The following SGSM1 variants were observed in gnomAD, a reference collection of about 807,000 sequenced individuals.
SGSM1 encodes the protein RUN and TBC1 domain containing 2.
A neutral mutation model predicts 133.8 loss-of-function variants in SGSM1; 73 were observed. That is an observed-to-expected ratio of 0.55 (90% CI 0.45 to 0.66). SGSM1 has a LOEUF of 0.66. Among genes scored for constraint, SGSM1 ranks in the 30% least tolerant of loss-of-function variants. SGSM1 has a pLI of 0.00. For missense variants in SGSM1, 1,213 were observed against 1,448.1 expected, an observed-to-expected ratio of 0.84 and a Z score of 2.64; for synonymous variants, 563 against 573.0, an observed-to-expected ratio of 0.98 and a Z score of 0.25.
At chr22:24,844,689 A>G (rs2147833599) in intron 2 of SGSM1, 1 of 559,718 alleles carries the variant, frequency 1.8e-6, no homozygotes, top group East Asian at 2.9e-5. Context: ...ACCTGAACGA[A>G]TAATTGATAA....
intron 5 of SGSM1, among the ~76,000 whole-genome samples, chr22:24,851,454 GAGAGA>G: frequency 1.4e-5 from 1 of 69,970 alleles, no homozygotes; most frequent in African/African-American, 1.6e-4. Flanking sequence ...TGGGGGGAGA[GAGAGA>G]GAGAGAGAGA....
Position 24,912,653 on chromosome 22 carries a change from C to G in SGSM1, c.2829C>G (p.Ala943=), listed in dbSNP as rs1206441878. Residue 943 remains alanine (A), a synonymous_variant, in exon 22 of 25, where the codon GCC becomes GCG. Transcript: ENST00000400358. ...LLVILDDEAL[A]FSCFTELMKR... ...GTGATGCTTTCTCAGAGGCCCTTGCCTTCAGCTGCTTCACGGAGCTCATGA... is the reference window on the plus strand; with the variant it reads ...GTGATGCTTTCTCAGAGGCCCTTGCGTTCAGCTGCTTCACGGAGCTCATGA... The G allele has an allele frequency of 1.2e-6, 2 of 1,612,544 alleles. No individual in the cohort carries two copies. Among genetic ancestry groups the G allele is most frequent in the Non-Finnish European group, 1.7e-6 (2 of 1,179,302 alleles).
rs543839452 is a variant in SGSM1, at chr22:24,822,251, C to T, written c.63+15767C>T. Among the ~76,000 whole-genome samples, 54 of 152,008 alleles carry T rather than the reference C, an allele frequency of 3.6e-4. 1 individual carries two copies. The highest frequency in any genetic ancestry group is 6.8e-3 in the Middle Eastern group (2 of 294). ...GACCACAGGTGCCCGCCACCACGCC[C>T]GGCCAATTTTTTTTGTATTTTTAGT... On this transcript the variant is annotated intron_variant, in intron 2 of 24. Coordinates refer to ENST00000400358, the MANE Select transcript of SGSM1 (RefSeq NM_001098497.3).
At chr22:24,836,051 C>A (rs1929408813) in intron 2 of SGSM1, among the ~76,000 whole-genome samples, 1 of 152,100 alleles carries the variant, frequency 6.6e-6, no homozygotes, top group Non-Finnish European at 1.5e-5. Context: ...TGTGTGCCAA[C>A]CTCCAGATCT....
chr22:24,806,475 CAAG>C lies in SGSM1; in HGVS notation c.58_60del (p.Lys20del). 1.3e-6 allele frequency: 2 copies of C among 1,516,726 alleles called. No homozygotes were observed. The highest frequency in any genetic ancestry group is 1.4e-5 in the African/African-American group (1 of 69,678). The allele number at this position is 1,516,726 out of a possible 1,614,324, so 94.0% of individuals were successfully genotyped here. A position where few individuals can be genotyped will look rare whatever the true frequency, so the allele number is the denominator to read the frequency against. On this transcript the variant is annotated inframe_deletion, in exon 2 of 25. Transcript: ENST00000400358. The stretch of plus-strand genomic sequence containing the variant: ...CCCGACAGAGGCTGCTACGCACCGT[CAAG>C]AAGGAGGTGGGTGCCGGGGTGGGGG...
At chr22:24,921,873 A>G (rs939165878) in intron 24 of SGSM1, among the ~76,000 whole-genome samples, 2 of 151,824 alleles carry the variant, frequency 1.3e-5, no homozygotes, top group African/African-American at 2.4e-5. Context: ...CTAATTTTGT[A>G]TTTTTTTAGT....
At chr22:24,881,706 C>A (rs1026604399) in intron 14 of SGSM1, among the ~76,000 whole-genome samples, 7 of 152,336 alleles carry the variant, frequency 4.6e-5, no homozygotes, top group South Asian at 4.1e-4. Flanking sequence ...CATCATCATC[C>A]TCCTCCTCCT....
At chr22:24,860,655 T>A (rs1931071805) in intron 9 of SGSM1, among the ~76,000 whole-genome samples, 2 of 151,512 alleles carry the variant, frequency 1.3e-5, no homozygotes, top group South Asian at 4.2e-4. Flanking sequence ...GTAATCCCAG[T>A]GCTTTGGGAG....
rs765572140 is a variant in SGSM1 at position 24,850,321 on chromosome 22, T to TGCCG, written c.345_348dup (p.Lys117AlafsTer22). 25 of 1,612,650 alleles carry TGCCG rather than the reference T, an allele frequency of 1.6e-5. No individual in the cohort carries two copies. The highest frequency in any genetic ancestry group is 2.0e-5 in the Non-Finnish European group (24 of 1,179,412). The stretch of plus-strand genomic sequence containing the variant: ...GGCCTCCAGGAGAATGTGCGGAAGC[T>TGCCG]GCCGAAGCTGCCCAACTTGTCCCCA... On this transcript the variant is annotated frameshift_variant, in exon 5 of 25. Coordinates refer to ENST00000400358, the MANE Select transcript of SGSM1 (RefSeq NM_001098497.3). LOFTEE classifies it high-confidence loss of function.
At chr22:24,812,405 C>T (rs989081484) in intron 2 of SGSM1, among the ~76,000 whole-genome samples, 2 of 152,050 alleles carry the variant, frequency 1.3e-5, no homozygotes, top group African/African-American at 2.4e-5. Flanking sequence ...ACTGTCAGTC[C>T]GTGGAGAAGT....
In SGSM1 at chr22:24,868,841, T is replaced by C; in HGVS notation, c.1277T>C (p.Met426Thr). 6.2e-7 allele frequency: 1 copy of C among 1,613,844 alleles called. No homozygotes were observed. Among genetic ancestry groups the C allele is most frequent in the Non-Finnish European group, 8.5e-7 (1 of 1,179,864 alleles). The part of the protein sequence containing the change: ...DYVFRIIYPG[M>T]QSEFVPQDLM... Reference sequence around the variant, plus strand: ...GTGTTCAGGATCATCTACCCTGGCATGCAGTCGGAATTCGGTGAGCTGCCC... The same window carrying C: ...GTGTTCAGGATCATCTACCCTGGCACGCAGTCGGAATTCGGTGAGCTGCCC... The change falls in exon 12 of 25, where the codon ATG becomes ACG. Residue 426 changes from methionine to threonine, a missense_variant. Physicochemically the swap from Met to Thr is moderately conservative, Grantham distance 81 (BLOSUM62 -1). Coordinates refer to ENST00000400358, the MANE Select transcript of SGSM1 (RefSeq NM_001098497.3).
In SGSM1 at chr22:24,900,394, T is replaced by C. The variant is rs796935274; in HGVS notation, c.2611-1439T>C. Among the ~76,000 whole-genome samples, 46 of 76,272 alleles carry C rather than the reference T, an allele frequency of 6.0e-4. 1 individual carries two copies. The highest frequency in any genetic ancestry group is 1.8e-3 in the African/African-American group (43 of 23,328). 50.0% of individuals were successfully genotyped at this position (76,272 alleles called of 152,430 possible). Reference sequence around the variant, plus strand: ...TTCTTTCTTTCTTTCTTTCTTTCTTTCTTTCTTTCTTTCTGTATTTTTGAG... The same window carrying C: ...TTCTTTCTTTCTTTCTTTCTTTCTTCCTTTCTTTCTTTCTGTATTTTTGAG... On this transcript the variant is annotated intron_variant, in intron 19 of 24. Coordinates refer to ENST00000400358, the MANE Select transcript of SGSM1 (RefSeq NM_001098497.3).
intron 2 of SGSM1, among the ~76,000 whole-genome samples, chr22:24,828,966 G>A (rs1045896938): frequency 6.6e-6 from 1 of 152,160 alleles, no homozygotes; most frequent in Non-Finnish European, 1.5e-5. Flanking sequence ...GGCTGAGGCA[G>A]GCGGAACATG....
At chr22:24,889,626 G>A (rs1180178735) in intron 16 of SGSM1, among the ~76,000 whole-genome samples, 1 of 151,262 alleles carries the variant, frequency 6.6e-6, no homozygotes, top group East Asian at 1.9e-4. Context: ...GATTATAGGC[G>A]TGAGCCACCG....
chr22:24,827,560 C>T (rs1928869688), intron 2 of SGSM1, among the ~76,000 whole-genome samples: 1 of 152,008 alleles, frequency 6.6e-6, no homozygotes, highest in Non-Finnish European at 1.5e-5. Context: ...CGGCACTGAG[C>T]TGAAGGACGC....
chr22:24,897,749 G>C (rs954891552), intron 18 of SGSM1, among the ~76,000 whole-genome samples: 1 of 152,230 alleles, frequency 6.6e-6, no homozygotes, highest in African/African-American at 2.4e-5. Flanking sequence ...GATTGCAGGC[G>C]TGAGCCACCA....
intron 2 of SGSM1, chr22:24,844,590 G>T (rs1929985905): frequency 3.4e-6 from 1 of 292,136 alleles, no homozygotes; most frequent in Non-Finnish European, 6.4e-6. Flanking sequence ...GATGGGAGTG[G>T]GGAGGGGTCT....
rs920021525 is a variant in SGSM1 at position 24,924,925 on chromosome 22, A to G, written c.*651A>G. The G allele has an allele frequency of 6.6e-6, 1 of 152,438 alleles. No homozygotes were observed. The highest frequency in any genetic ancestry group is 1.5e-5 in the Non-Finnish European group (1 of 68,248). The allele number at this position is 152,438 out of a possible 1,614,324, so 9.4% of individuals were successfully genotyped here. A position where few individuals can be genotyped will look rare whatever the true frequency, so the allele number is the denominator to read the frequency against. On this transcript the variant is annotated 3_prime_UTR_variant, in exon 25 of 25. Transcript: ENST00000400358. ...ACAGCCCCCAAAAATGTCTCTAGAC[A>G]TTGCGAAATGTTCCCTGCAGGGCAA...
At chr22:24,863,525 C>A (rs1931276667) in intron 9 of SGSM1, among the ~76,000 whole-genome samples, 1 of 152,140 alleles carries the variant, frequency 6.6e-6, no homozygotes, top group African/African-American at 2.4e-5. Flanking sequence ...GGAGCTGGGG[C>A]ATCTCTAGCC....
Sources: gnomAD v4.1 joint callset for allele counts (sites outside exome capture counted in the v4.1 genomes callset) on GRCh38, gnomAD v4.1.1 for gene constraint, MANE v1.5 for transcripts, NCBI Gene and HGNC (gene_info 2026-07-23, HGNC 2026-07-21) for gene names.